The following TSPAN19 variants were observed in gnomAD, a reference collection of about 807,000 sequenced individuals.
TSPAN19 encodes the protein tetraspanin 19, also known as tetraspanin-19.
TSPAN19 carries 44 observed loss-of-function variants against 35.1 expected under a neutral mutation model. The observed-to-expected ratio is 1.25, with a 90% CI of 0.98 to 1.61. The LOEUF (loss-of-function observed/expected upper bound fraction) is 1.61. Ranked by LOEUF, TSPAN19 falls within the 40% of genes most tolerant of loss-of-function variation. The probability of loss-of-function intolerance (pLI) is 0.00; values close to 1 mark genes in which losing one functional copy is unlikely to be tolerated. For synonymous variants in TSPAN19, 79 were observed against 92.0 expected, an observed-to-expected ratio of 0.86 and a Z score of 0.81; for missense variants, 290 against 280.0, an observed-to-expected ratio of 1.04 and a Z score of -0.26.
intron 1 of TSPAN19, among the ~76,000 whole-genome samples, chr12:85,033,751 T>C (rs1399151924): frequency 6.6e-6 from 1 of 152,164 alleles, no homozygotes; most frequent in Non-Finnish European, 1.5e-5. Context: ...ACTCCATTGA[T>C]ATAAACCACC....
intron 7 of TSPAN19, 123 bp from the exon 8 acceptor site, chr12:85,016,094 A>G: frequency 1.7e-6 from 1 of 574,734 alleles, no homozygotes; most frequent in Non-Finnish European, 2.8e-6. Context: ...GTAAGTCAAT[A>G]TCTAATTGGC....
chr12:85,028,201 C>T (rs1048487624), intron 3 of TSPAN19, among the ~76,000 whole-genome samples, 178 bp from the exon 4 acceptor site: 4 of 152,110 alleles, frequency 2.6e-5, no homozygotes, highest in Non-Finnish European at 5.9e-5. Context: ...TGTACCAGCT[C>T]TTACTTTTAG....
intron 6 of TSPAN19, 66 bp from the exon 7 acceptor site, chr12:85,017,665 A>G: frequency 7.9e-7 from 1 of 1,260,222 alleles, no homozygotes; most frequent in Admixed American, 3.1e-5. Flanking sequence ...TATGAGATTA[A>G]TATTGAAGTG....
At chr12:85,033,161 G>A (rs549703026) in intron 1 of TSPAN19, among the ~76,000 whole-genome samples, 2 of 152,086 alleles carry the variant, frequency 1.3e-5, no homozygotes, top group Admixed American at 6.6e-5. Flanking sequence ...CTTGAAGGAA[G>A]ATTAAGAAGG....
chr12:85,032,477 G>C (rs944664398), intron 1 of TSPAN19, among the ~76,000 whole-genome samples: 1 of 152,092 alleles, frequency 6.6e-6, no homozygotes, highest in Admixed American at 6.6e-5. Context: ...AGTCAAAAGG[G>C]GTGAGAACTT....
chr12:85,016,013 T>C, intron 7 of TSPAN19, 42 bp from the exon 8 acceptor site: 1 of 1,204,980 alleles, frequency 8.3e-7, no homozygotes, highest in Non-Finnish European at 1.2e-6. Context: ...GAGATGGAAA[T>C]GATCTTATAC....
rs1454241714 is a variant in TSPAN19, at chr12:85,015,964, T to C, written c.602A>G (p.Glu201Gly). 6.5e-7 allele frequency: 1 copy of C among 1,537,910 alleles called. No homozygotes were observed. The highest frequency in any genetic ancestry group is 2.0e-5 in the Admixed American group (1 of 49,272). Residue 201 changes from glutamate to glycine, a missense_variant, in exon 8 of 9, where the codon GAA becomes GGA. Transcript: ENST00000532498. ...ATTATACCATGCACTGATTTTATTT[T>C]CACAACCCTAAGAAAAAGAAGTTAT... ...PLNATYLEGCENKISAWYNVN... is the reference protein window; with the variant it reads ...PLNATYLEGCGNKISAWYNVN...
chr12:85,031,998 C>T (rs982296634), intron 1 of TSPAN19, among the ~76,000 whole-genome samples: 3 of 151,918 alleles, frequency 2.0e-5, no homozygotes, highest in Non-Finnish European at 2.9e-5. Flanking sequence ...ATATGCTTTA[C>T]TGTGGAAAAG....
Position 85,014,557 on chromosome 12 carries a change from T to C in TSPAN19, c.679-2A>G. ...AACTGTTAATGAGACTTGGAAAACCTGGAAGAAAAGGGAACAATAAGAGAT... is the reference window on the plus strand; with the variant it reads ...AACTGTTAATGAGACTTGGAAAACCCGGAAGAAAAGGGAACAATAAGAGAT... On this transcript the variant is annotated splice_acceptor_variant, in intron 8 of 8. Coordinates refer to ENST00000532498, the MANE Select transcript of TSPAN19 (RefSeq NM_001100917.2). LOFTEE classifies it high-confidence loss of function. 4.4e-6 allele frequency: 7 copies of C among 1,593,480 alleles called. No homozygotes were observed. The highest frequency in any genetic ancestry group is 6.0e-6 in the Non-Finnish European group (7 of 1,166,756).
intron 8 of TSPAN19, chr12:85,014,994 T>G (rs1277244940): frequency 6.5e-6 from 1 of 153,038 alleles, no homozygotes; most frequent in East Asian, 1.9e-4. Context: ...AGTTTTGTCT[T>G]AAGATATTCC....
At chr12:85,034,261 AATG>A (rs894447705) in intron 1 of TSPAN19, among the ~76,000 whole-genome samples, 1 of 152,184 alleles carries the variant, frequency 6.6e-6, no homozygotes, top group African/African-American at 2.4e-5. Context: ...TGAACACAAC[AATG>A]ATATTATGGG....
At chr12:85,035,195 C>G (rs553183298) in intron 1 of TSPAN19, 9 of 152,022 alleles carry the variant, frequency 5.9e-5, no homozygotes, top group African/African-American at 2.2e-4. Context: ...GAGTTGGAGG[C>G]TACAGTGAGC....
chr12:85,019,534 C>T (rs1876999338), intron 6 of TSPAN19, 92 bp downstream of exon 6: 2 of 719,468 alleles, frequency 2.8e-6, no homozygotes, highest in African/African-American at 3.7e-5. Flanking sequence ...AAACTTTCAT[C>T]CATCTGCCCC....
At chr12:85,019,602 A>AT in intron 6 of TSPAN19, 24 bp downstream of exon 6, 1 of 1,455,218 alleles carries the variant, frequency 6.9e-7, no homozygotes, top group Non-Finnish European at 9.6e-7. Flanking sequence ...CTGACATCTA[A>AT]TTTTTTAGTT....
In TSPAN19 at chr12:85,032,495, G is replaced by A. The variant is rs555432748; in HGVS notation, c.-27-2522C>T. Among the ~76,000 whole-genome samples, 13 of 152,206 alleles carry A rather than the reference G, an allele frequency of 8.5e-5. No individual in the cohort carries two copies. In the South Asian group the frequency reaches 2.5e-3, roughly 29 times the overall value. ...CAAAAGGGGTGAGAACTTAGTAAGC[G>A]CAAATGTAGGCAACGTGGTAAGGAA... On this transcript the variant is annotated intron_variant, in intron 1 of 8. Coordinates refer to ENST00000532498, the MANE Select transcript of TSPAN19 (RefSeq NM_001100917.2).
chr12:85,036,054 C>T (rs1428108667), intron 1 of TSPAN19, 150 bp downstream of exon 1: 1 of 152,098 alleles, frequency 6.6e-6, no homozygotes, highest in Non-Finnish European at 1.5e-5. Context: ...ACACCTTATA[C>T]ATGGGCAAAT....
At chr12:85,027,577 CTT>C (rs540793428) in intron 4 of TSPAN19, among the ~76,000 whole-genome samples, 199 of 152,112 alleles carry the variant, frequency 1.3e-3, no homozygotes, top group Middle Eastern at 6.8e-3. Flanking sequence ...CTTGAATACA[CTT>C]TATTCTAATT....
In TSPAN19 at chr12:85,036,220, G is replaced by GGGA; in HGVS notation, c.-45_-44insTCC. On this transcript the variant is annotated 5_prime_UTR_variant, in exon 1 of 9. Coordinates refer to ENST00000532498, the MANE Select transcript of TSPAN19 (RefSeq NM_001100917.2). ...AAAATCTACCTGTAAAAAACCGTAAGCTCCTCATCCAGTCCCTGAAATGCT... is the reference window on the plus strand; with the variant it reads ...AAAATCTACCTGTAAAAAACCGTAAGGGACTCCTCATCCAGTCCCTGAAATGCT... 6.6e-6 allele frequency: 1 copy of GGGA among 152,300 alleles called. No individual in the cohort carries two copies. Among genetic ancestry groups the GGGA allele is most frequent in the South Asian group, 2.1e-4 (1 of 4,830 alleles). 9.4% of individuals were successfully genotyped at this position (152,300 alleles called of 1,614,324 possible).
Position 85,015,882 on chromosome 12 carries a change from G to T in TSPAN19, c.678+6C>A. The T allele has an allele frequency of 1.3e-6, 2 of 1,536,744 alleles. No homozygotes were observed. Among genetic ancestry groups the T allele is most frequent in the Admixed American group, 2.0e-5 (1 of 50,076 alleles). ...TTTTCATTTTAACATATGAACAAAA[G>T]CTTACCTCTGAAGTTAAAAGTCCAA... On this transcript the variant is annotated splice_donor_region_variant and intron_variant, in intron 8 of 8. Coordinates refer to ENST00000532498, the MANE Select transcript of TSPAN19 (RefSeq NM_001100917.2).
Sources: allele counts gnomAD v4.1 joint callset (sites outside exome capture counted in the v4.1 genomes callset), GRCh38; gene constraint gnomAD v4.1.1; transcripts MANE v1.5; gene names NCBI Gene and HGNC (gene_info 2026-07-23, HGNC 2026-07-21).